Variants in SV2B observed in about 807,000 individuals in gnomAD.
SV2B encodes the protein solute carrier family 22 member B2.
Under a neutral mutation model 73.9 loss-of-function variants are expected in SV2B, and 41 were observed. The ratio of observed to expected loss-of-function variants is 0.56; its 90% CI spans 0.43 to 0.72. SV2B has a LOEUF of 0.72. Ranked by LOEUF, SV2B falls within the 30% of genes least tolerant of loss-of-function variation. SV2B has a pLI of 0.00. For synonymous variants in SV2B, 314 were observed against 314.2 expected (o/e 1.00, Z 0.01); for missense variants, 764 against 857.8 (o/e 0.89, Z 1.37).
At chr15:91,150,565 C>T (rs914568673) in intron 1 of SV2B, among the ~76,000 whole-genome samples, 1 of 152,168 alleles carries the variant, frequency 6.6e-6, no homozygotes, top group Non-Finnish European at 1.5e-5. Flanking sequence ...TTTGTGAATG[C>T]CCCTCTTCTT....
chr15:91,243,355 C>G (rs544856956), intron 2 of SV2B, among the ~76,000 whole-genome samples: 1 of 152,276 alleles, frequency 6.6e-6, no homozygotes, highest in Non-Finnish European at 1.5e-5. Context: ...TCTGAAACAT[C>G]TCTAGTGTGG....
intron 1 of SV2B, among the ~76,000 whole-genome samples, chr15:91,213,805 G>A (rs76726857): frequency 0.015 from 2,233 of 152,300 alleles, 28 homozygotes; most frequent in Non-Finnish European, 0.024. Context: ...ATGGTAGCCA[G>A]ATACTATTCC....
At position 91,137,327 on chromosome 15, in the gene SV2B, T is replaced by C. The variant is rs2141174080; in HGVS notation, c.-392+36964T>C. 6.6e-6 allele frequency among the ~76,000 whole-genome samples: 1 copy of C among 152,256 alleles called. No homozygotes were observed. The highest frequency in any genetic ancestry group is 6.5e-5 in the Admixed American group (1 of 15,298). On this transcript the variant is annotated intron_variant, in intron 1 of 12. Coordinates refer to ENST00000394232, the MANE Select transcript of SV2B (RefSeq NM_001323032.3). The surrounding 1 kb of genome is among the most constrained non-coding windows in gnomAD (Gnocchi z 4.9). ...CCCACCTCCATTGTTTTAAAAATTG[T>C]GTGATTCTAAATGTGAGATGGAAGA...
At chr15:91,246,666 C>T (rs912396004) in intron 2 of SV2B, among the ~76,000 whole-genome samples, 9 of 152,124 alleles carry the variant, frequency 5.9e-5, no homozygotes, top group African/African-American at 2.2e-4. Context: ...GTTGTGTTAC[C>T]ACCAATTAAA....
chr15:91,191,070 T>TTTTTTTTTC (rs2045003639), intron 1 of SV2B, among the ~76,000 whole-genome samples: 7 of 125,608 alleles, frequency 5.6e-5, no homozygotes, highest in Non-Finnish European at 6.6e-5. Flanking sequence ...TTTCTTTTTT[T>TTTTTTTTTC]TTTTTTTTTT....
intron 9 of SV2B, among the ~76,000 whole-genome samples, chr15:91,269,393 G>A (rs2048219700): frequency 1.3e-5 from 2 of 152,330 alleles, no homozygotes; most frequent in South Asian, 4.1e-4. Context: ...AAGCTCATCA[G>A]GTTGTGAATG....
intron 1 of SV2B, among the ~76,000 whole-genome samples, chr15:91,138,747 G>A (rs2042916887): frequency 6.6e-6 from 1 of 152,168 alleles, no homozygotes; most frequent in Admixed American, 6.5e-5. Context: ...TAAATACTAT[G>A]TCTTTTATAT....
At chr15:91,125,944 T>C (rs1200680327) in intron 1 of SV2B, among the ~76,000 whole-genome samples, 1 of 152,020 alleles carries the variant, frequency 6.6e-6, no homozygotes, top group African/African-American at 2.4e-5. Context: ...GTGATGATGA[T>C]GATGATGATA....
At chr15:91,286,425 C>A (rs1381513938) in intron 11 of SV2B, among the ~76,000 whole-genome samples, 2 of 152,174 alleles carry the variant, frequency 1.3e-5, no homozygotes, top group Non-Finnish European at 2.9e-5. Context: ...CTGCTACCCA[C>A]TCATTTATTC....
At chr15:91,109,801 C>T (rs2041988592) in intron 1 of SV2B, among the ~76,000 whole-genome samples, 2 of 152,118 alleles carry the variant, frequency 1.3e-5, no homozygotes, top group Admixed American at 1.3e-4. Context: ...GTGGCACAAT[C>T]TTGGTCTCAC....
chr15:91,211,794 G>T (rs1251047852), intron 1 of SV2B, among the ~76,000 whole-genome samples: 1 of 144,202 alleles, frequency 6.9e-6, no homozygotes, highest in African/African-American at 2.6e-5. Context: ...GAGCCACCTC[G>T]CCTGGGCTTT....
rs2048983494 is a variant in SV2B, at chr15:91,289,879, G to T, written c.1868+199G>T. Among the ~76,000 whole-genome samples, 1 of 152,228 alleles carries T rather than the reference G, an allele frequency of 6.6e-6. No individual in the cohort carries two copies. The highest frequency in any genetic ancestry group is 2.1e-4 in the South Asian group (1 of 4,836). On this transcript the variant is annotated intron_variant, in intron 12 of 12. Coordinates refer to ENST00000394232, the MANE Select transcript of SV2B (RefSeq NM_001323032.3). The surrounding 1 kb of genome is among the most constrained non-coding windows in gnomAD (Gnocchi z 4.9). ...AGTTGGCAGGCTAGGGCTTGGATAG[G>T]GTGGGAAAGATGGCAAGAAGCAAAG...
At chr15:91,244,164 T>C (rs2047134040) in intron 2 of SV2B, among the ~76,000 whole-genome samples, 1 of 152,216 alleles carries the variant, frequency 6.6e-6, no homozygotes, top group Non-Finnish European at 1.5e-5. Context: ...CTCAGTTTCC[T>C]CATCTGTTAA....
chr15:91,111,442 G>T (rs760682193), intron 1 of SV2B, among the ~76,000 whole-genome samples: 2 of 152,228 alleles, frequency 1.3e-5, no homozygotes, highest in Non-Finnish European at 2.9e-5. Flanking sequence ...AGTACAAGGT[G>T]GGGAGGTACA....
chr15:91,260,251 T>A, intron 5 of SV2B, 69 bp from the exon 6 acceptor site: 1 of 1,394,050 alleles, frequency 7.2e-7, no homozygotes, highest in Non-Finnish European at 9.8e-7. Flanking sequence ...TGTAGGATTT[T>A]CCACCCCTAA....
chr15:91,252,396 T>C lies in SV2B; in HGVS notation c.660T>C (p.Phe220=), dbSNP rs780417275. The change falls in exon 4 of 13, where the codon TTT becomes TTC. Residue 220 remains phenylalanine (F), a synonymous_variant. Transcript: ENST00000394232. This position sits in a 1 kb window ranked among gnomAD's most constrained non-coding sequence, Gnocchi z 4.6. Reference sequence around the variant, plus strand: ...TTGGGGGTGCTCTACCGATTGTTTTTGCCTATTTTTCTGAATTCTTGTCTC... The same window carrying C: ...TTGGGGGTGCTCTACCGATTGTTTTCGCCTATTTTTCTGAATTCTTGTCTC... ...IGIGGALPIV[F]AYFSEFLSRE... 14 of 1,613,116 alleles carry C rather than the reference T, an allele frequency of 8.7e-6. No homozygotes were observed. Among genetic ancestry groups the C allele is most frequent in the Middle Eastern group, 3.3e-4 (2 of 6,078 alleles).
At chr15:91,164,009 A>C (rs1435315977) in intron 1 of SV2B, among the ~76,000 whole-genome samples, 2 of 152,160 alleles carry the variant, frequency 1.3e-5, no homozygotes, top group Non-Finnish European at 2.9e-5. Flanking sequence ...AGCACCATTT[A>C]TTAAATAGGG....
In SV2B at chr15:91,246,747, C is replaced by CCTT. The variant is rs564091861; in HGVS notation, c.452-5066_452-5064dup. Among the ~76,000 whole-genome samples, 12 of 146,070 alleles carry CCTT rather than the reference C, an allele frequency of 8.2e-5. No homozygotes were observed. In the South Asian group the frequency reaches 2.6e-3, roughly 31 times the overall value. ...TCCTCCTCCTCCTCCTCCTCCTCCT[C>CCTT]CTTCTTCTCCTCTTCCTCCTTTGCT... On this transcript the variant is annotated intron_variant, in intron 2 of 12. Coordinates refer to ENST00000394232, the MANE Select transcript of SV2B (RefSeq NM_001323032.3).
At chr15:91,204,534 T>A (rs898949827) in intron 1 of SV2B, among the ~76,000 whole-genome samples, 19 of 151,616 alleles carry the variant, frequency 1.3e-4, no homozygotes, top group African/African-American at 4.6e-4. Flanking sequence ...TCTGGCCACT[T>A]ATTTCTTTTC....
Sources: gnomAD v4.1 joint callset for allele counts (sites outside exome capture counted in the v4.1 genomes callset) on GRCh38, gnomAD v4.1.1 for gene constraint, Gnocchi (gnomAD v3.1) non-coding constraint, MANE v1.5 for transcripts, NCBI Gene and HGNC (gene_info 2026-07-23, HGNC 2026-07-21) for gene names.